The following PRR23C variants were observed in gnomAD, a reference collection of about 807,000 sequenced individuals.
The protein encoded by PRR23C is proline-rich protein 23C.
In PRR23C, 1 loss-of-function variant was observed where a neutral mutation model predicts 0.1. The observed-to-expected ratio is 6.80, with a 90% CI of 2.41 to 32.24. PRR23C has a LOEUF of 32.24. Ranked by LOEUF, PRR23C falls within the 30% of genes most tolerant of loss-of-function variation. The probability of loss-of-function intolerance (pLI) is 0.11; values close to 1 mark genes in which losing one functional copy is unlikely to be tolerated. For synonymous variants in PRR23C, 172 were observed against 168.1 expected (o/e 1.02, Z -0.18); for missense variants, 361 against 370.4 (o/e 0.97, Z 0.21).
At position 139,042,957 on chromosome 3, in the gene PRR23C, G is replaced by A. The variant is rs375050584; in HGVS notation, c.*875C>T. On this transcript the variant is annotated 3_prime_UTR_variant, in exon 1 of 1. Coordinates refer to ENST00000413199, the MANE Select transcript of PRR23C (RefSeq NM_001134657.1). ...CCAGCTACCTGGGAGGCTGAGGCGG[G>A]AGAATTGCTTGAACCTGGGAGGCAA... 5 of 152,294 alleles carry A rather than the reference G, an allele frequency of 3.3e-5. No homozygotes were observed. Among genetic ancestry groups the A allele is most frequent in the African/African-American group, 1.2e-4 (5 of 41,458 alleles). 9.4% of individuals were successfully genotyped at this position (152,294 alleles called of 1,614,324 possible).
rs1043092405 is a variant in PRR23C at position 139,044,355 on chromosome 3, C to A, written c.266G>T (p.Arg89Leu). ...VLELAPMSVL[R>L]VSLGGHTLIV... ...GAGGGTGTGTCCACCAAGAGACACT[C>A]GCAGGACCGACATTGGCGCGAGCTC... The change falls in exon 1 of 1, where the codon CGA becomes CTA. Residue 89 changes from arginine (R) to leucine (L), a missense_variant. Transcript: ENST00000413199. The surrounding 1 kb of genome is among the most constrained non-coding windows in gnomAD (Gnocchi z 7.5). 5 of 1,604,156 alleles carry A rather than the reference C, an allele frequency of 3.1e-6. No homozygotes were observed. The African/African-American group carries it at 5.4e-5, about 17-fold the overall frequency.
At position 139,044,035 on chromosome 3, in the gene PRR23C, C is replaced by T. The variant is rs747280892; in HGVS notation, c.586G>A (p.Gly196Arg). 1 of 1,613,558 alleles carries T rather than the reference C, an allele frequency of 6.2e-7. No homozygotes were observed. The change falls in exon 1 of 1, where the codon GGG becomes AGG. Residue 196 changes from glycine to arginine, a missense_variant. Gly to Arg is a moderately radical substitution (Grantham distance 125, BLOSUM62 -2). Transcript: ENST00000413199. The surrounding 1 kb of genome is among the most constrained non-coding windows in gnomAD (Gnocchi z 7.5). ...FSPYREGPIRGPCALAPNPSS... is the reference protein window; with the variant it reads ...FSPYREGPIRRPCALAPNPSS... The stretch of plus-strand genomic sequence containing the variant: ...GGGTTGGGGGCCAGAGCACAGGGCC[C>T]TCGGATGGGGCCCTCCCGGTAGGGG...
At position 139,044,364 on chromosome 3, in the gene PRR23C, G is replaced by A. The variant is rs904602214; in HGVS notation, c.257C>T (p.Ser86Leu). The A allele has an allele frequency of 1.3e-6, 2 of 1,597,906 alleles. No individual in the cohort carries two copies. The highest frequency in any genetic ancestry group is 2.3e-5 in the East Asian group (1 of 43,938). ...VDLVLELAPM[S>L]VLRVSLGGHT... ...TCCACCAAGAGACACTCGCAGGACC[G>A]ACATTGGCGCGAGCTCCAGCACCAG... Residue 86 changes from serine (S) to leucine (L), a missense_variant, in exon 1 of 1, where the codon TCG (serine) becomes TTG (leucine). By Grantham distance (145) the Ser-to-Leu change is moderately radical. Transcript: ENST00000413199. The surrounding 1 kb of genome is among the most constrained non-coding windows in gnomAD (Gnocchi z 7.5).
chr3:139,044,198 G>C lies in PRR23C; in HGVS notation c.423C>G (p.Val141=). Reference sequence around the variant, plus strand: ...CAGCGATCTCTGGGACAGATGCGCAGACTTCCTGCTCGACGACGACGTCTT... The same window carrying C: ...CAGCGATCTCTGGGACAGATGCGCACACTTCCTGCTCGACGACGACGTCTT... ...HGEDVVVEQE[V]CASVPEIAAE... is the part of the protein sequence containing the mutation. The change falls in exon 1 of 1, where the codon GTC becomes GTG. Residue 141 remains valine, a synonymous_variant. Coordinates refer to ENST00000413199, the MANE Select transcript of PRR23C (RefSeq NM_001134657.1). The surrounding 1 kb of genome is among the most constrained non-coding windows in gnomAD (Gnocchi z 7.5). 6.2e-7 allele frequency: 1 copy of C among 1,613,378 alleles called. No individual in the cohort carries two copies.
Position 139,044,882 on chromosome 3 carries a change from C to T in PRR23C, c.-262G>A, listed in dbSNP as rs774977393. 4.3e-6 allele frequency: 2 copies of T among 467,992 alleles called. No individual in the cohort carries two copies. The highest frequency in any genetic ancestry group is 5.6e-4 in the Middle Eastern group (1 of 1,774). 29.0% of individuals were successfully genotyped at this position (467,992 alleles called of 1,614,324 possible). A position where few individuals can be genotyped will look rare whatever the true frequency, so the allele number is the denominator to read the frequency against. On this transcript the variant is annotated 5_prime_UTR_variant, in exon 1 of 1. Coordinates refer to ENST00000413199, the MANE Select transcript of PRR23C (RefSeq NM_001134657.1). The surrounding 1 kb of genome is among the most constrained non-coding windows in gnomAD (Gnocchi z 7.5). Reference sequence around the variant, plus strand: ...GCAGACCCGGATGCGCACTGCAAAGCCAATTATGTTGTAAATGACGGCAGC... The same window carrying T: ...GCAGACCCGGATGCGCACTGCAAAGTCAATTATGTTGTAAATGACGGCAGC...
Position 139,044,666 on chromosome 3 carries a change from C to A in PRR23C, c.-46G>T. On this transcript the variant is annotated 5_prime_UTR_variant, in exon 1 of 1. Coordinates refer to ENST00000413199, the MANE Select transcript of PRR23C (RefSeq NM_001134657.1). This position sits in a 1 kb window ranked among gnomAD's most constrained non-coding sequence, Gnocchi z 7.5. ...CGGCGCTCCTGGGCCTGGCAGGGGACGTGGGTGCGGGGGGCTCGGGGCGGC... is the reference window on the plus strand; with the variant it reads ...CGGCGCTCCTGGGCCTGGCAGGGGAAGTGGGTGCGGGGGGCTCGGGGCGGC... 6.9e-7 allele frequency: 1 copy of A among 1,446,358 alleles called. No individual in the cohort carries two copies. The highest frequency in any genetic ancestry group is 1.5e-5 in the South Asian group (1 of 68,328). 89.6% of individuals were successfully genotyped at this position (1,446,358 alleles called of 1,614,324 possible). A position where few individuals can be genotyped will look rare whatever the true frequency, so the allele number is the denominator to read the frequency against.
At position 139,044,303 on chromosome 3, in the gene PRR23C, G is replaced by T. The variant is rs1370012293; in HGVS notation, c.318C>A (p.Ser106Arg). Residue 106 changes from serine to arginine, a missense_variant, in exon 1 of 1, where the codon AGC (serine) becomes AGA (arginine). Transcript: ENST00000413199. This position sits in a 1 kb window ranked among gnomAD's most constrained non-coding sequence, Gnocchi z 7.5. ...GCGCTCCTGAGCATTCGTCGACGGA[G>T]CTCAGGAGGACCTCGGGGATCACGA... ...TLIVIPEVLLSSVDECSGAQG... is the reference protein window; with the variant it reads ...TLIVIPEVLLRSVDECSGAQG... 6.2e-7 allele frequency: 1 copy of T among 1,610,556 alleles called. No homozygotes were observed. Among genetic ancestry groups the T allele is most frequent in the East Asian group, 2.2e-5 (1 of 44,698 alleles).
chr3:139,043,766 C>T lies in PRR23C; in HGVS notation c.*66G>A. The T allele has an allele frequency of 7.1e-7, 1 of 1,402,166 alleles. No homozygotes were observed. Among genetic ancestry groups the T allele is most frequent in the Non-Finnish European group, 9.5e-7 (1 of 1,051,326 alleles). The allele number at this position is 1,402,166 out of a possible 1,614,324, so 86.9% of individuals were successfully genotyped here. On this transcript the variant is annotated 3_prime_UTR_variant, in exon 1 of 1. Transcript: ENST00000413199. ...ATCCTTGTAGGTTGCGCAACATACA[C>T]ACAACGGCTATCAGGAGACGGTCTC...
chr3:139,043,712 A>C lies in PRR23C; in HGVS notation c.*120T>G, dbSNP rs1187015275. ...TTCTGCAACGCAGCCTGTATCAAAA[A>C]AGCATCTATCCGTTATCCACTCTCC... is the stretch of plus-strand genomic sequence containing the variant. On this transcript the variant is annotated 3_prime_UTR_variant, in exon 1 of 1. Coordinates refer to ENST00000413199, the MANE Select transcript of PRR23C (RefSeq NM_001134657.1). The C allele has an allele frequency of 1.1e-6, 1 of 932,302 alleles. No individual in the cohort carries two copies. Among genetic ancestry groups the C allele is most frequent in the African/African-American group, 1.7e-5 (1 of 60,068 alleles). The allele number at this position is 932,302 out of a possible 1,614,324, so 57.8% of individuals were successfully genotyped here.
chr3:139,044,195 G>A lies in PRR23C; in HGVS notation c.426C>T (p.Cys142=). ...CGGCAGCGATCTCTGGGACAGATGC[G>A]CAGACTTCCTGCTCGACGACGACGT... is the stretch of plus-strand genomic sequence containing the variant. The part of the protein sequence containing the change: ...GEDVVVEQEV[C]ASVPEIAAEE... Residue 142 remains cysteine, a synonymous_variant, in exon 1 of 1, where the codon TGC becomes TGT. Coordinates refer to ENST00000413199, the MANE Select transcript of PRR23C (RefSeq NM_001134657.1). This position sits in a 1 kb window ranked among gnomAD's most constrained non-coding sequence, Gnocchi z 7.5. 1 of 1,613,264 alleles carries A rather than the reference G, an allele frequency of 6.2e-7. No individual in the cohort carries two copies. Among genetic ancestry groups the A allele is most frequent in the Non-Finnish European group, 8.5e-7 (1 of 1,179,612 alleles).
chr3:139,044,744 G>GTCC lies in PRR23C; in HGVS notation c.-127_-125dup. ...GGCAGGACCGCGCGACGCGGGGCGA[G>GTCC]TCCTCGGAGCTCTGGGGGCGCCTCC... On this transcript the variant is annotated 5_prime_UTR_variant, in exon 1 of 1. Coordinates refer to ENST00000413199, the MANE Select transcript of PRR23C (RefSeq NM_001134657.1). This position sits in a 1 kb window ranked among gnomAD's most constrained non-coding sequence, Gnocchi z 7.5. The GTCC allele has an allele frequency of 8.8e-7, 1 of 1,137,834 alleles. No individual in the cohort carries two copies. The highest frequency in any genetic ancestry group is 1.2e-6 in the Non-Finnish European group (1 of 842,980). 70.5% of individuals were successfully genotyped at this position (1,137,834 alleles called of 1,614,324 possible).
rs980281616 is a variant in PRR23C, at chr3:139,043,841, G to C, written c.780C>G (p.Phe260Leu). 4.6e-6 allele frequency: 7 copies of C among 1,537,436 alleles called. No individual in the cohort carries two copies. The African/African-American group carries it at 6.9e-5, about 15-fold the overall frequency. Residue 260 changes from phenylalanine (F) to leucine (L), a missense_variant, in exon 1 of 1, where the codon TTC becomes TTG. Phe to Leu is a conservative substitution (Grantham distance 22, BLOSUM62 0). Coordinates refer to ENST00000413199, the MANE Select transcript of PRR23C (RefSeq NM_001134657.1). ...GATTGTGGGAGGCAACTCATTCCTG[G>C]AACAGGCGTCTTCGGACCTTGCACG... ...RPPCKVRRRL[F>L]QE
chr3:139,043,777 T>G lies in PRR23C; in HGVS notation c.*55A>C. ...TTGCGCAACATACACACAACGGCTA[T>G]CAGGAGACGGTCTCCTGGAGCCCAG... On this transcript the variant is annotated 3_prime_UTR_variant, in exon 1 of 1. Transcript: ENST00000413199. 1 of 1,430,128 alleles carries G rather than the reference T, an allele frequency of 7.0e-7. No homozygotes were observed. Among genetic ancestry groups the G allele is most frequent in the Non-Finnish European group, 9.3e-7 (1 of 1,074,302 alleles). 88.6% of individuals were successfully genotyped at this position (1,430,128 alleles called of 1,614,324 possible). A position where few individuals can be genotyped will look rare whatever the true frequency, so the allele number is the denominator to read the frequency against.
rs752452673 is a variant in PRR23C, at chr3:139,043,894, C to G, written c.727G>C (p.Ala243Pro). ...LPPSPSPGPH[A>P]RPELPERPPC... Reference sequence around the variant, plus strand: ...GGGCGCTCTGGGAGCTCCGGGCGCGCGTGGGGACCTGGACTCGGAGAGGGA... The same window carrying G: ...GGGCGCTCTGGGAGCTCCGGGCGCGGGTGGGGACCTGGACTCGGAGAGGGA... The change falls in exon 1 of 1, where the codon GCG becomes CCG. Residue 243 changes from alanine (A) to proline (P), a missense_variant. Ala to Pro is a conservative substitution (Grantham distance 27). Transcript: ENST00000413199. 1.3e-6 allele frequency: 2 copies of G among 1,581,880 alleles called. No individual in the cohort carries two copies. Among genetic ancestry groups the G allele is most frequent in the Non-Finnish European group, 1.7e-6 (2 of 1,164,590 alleles).
Position 139,044,070 on chromosome 3 carries a change from C to T in PRR23C, c.551G>A (p.Ser184Asn). The stretch of plus-strand genomic sequence containing the variant: ...GCCCTCCCGGTAGGGGCTGAACATA[C>T]TTCTAGCGGAGGGGTAGAGCCCAGC... ...SAAGLYPSARSMFSPYREGPI... is the reference protein window; with the variant it reads ...SAAGLYPSARNMFSPYREGPI... The change falls in exon 1 of 1, where the codon AGT (serine) becomes AAT (asparagine). Residue 184 changes from serine to asparagine, a missense_variant. Ser to Asn is a conservative substitution (Grantham distance 46). Transcript: ENST00000413199. This position sits in a 1 kb window ranked among gnomAD's most constrained non-coding sequence, Gnocchi z 7.5. 1 of 1,613,610 alleles carries T rather than the reference C, an allele frequency of 6.2e-7. No homozygotes were observed. The highest frequency in any genetic ancestry group is 8.5e-7 in the Non-Finnish European group (1 of 1,179,730).
rs1426813489 is a variant in PRR23C at position 139,044,327 on chromosome 3, G to A, written c.294C>T (p.Ile98=). The part of the protein sequence containing the change: ...LRVSLGGHTL[I]VIPEVLLSSV... ...AGCTCAGGAGGACCTCGGGGATCAC[G>A]ATGAGGGTGTGTCCACCAAGAGACA... The change falls in exon 1 of 1, where the codon ATC becomes ATT. Residue 98 remains isoleucine, a synonymous_variant. Coordinates refer to ENST00000413199, the MANE Select transcript of PRR23C (RefSeq NM_001134657.1). This position sits in a 1 kb window ranked among gnomAD's most constrained non-coding sequence, Gnocchi z 7.5. 2 of 1,609,660 alleles carry A rather than the reference G, an allele frequency of 1.2e-6. No individual in the cohort carries two copies. The highest frequency in any genetic ancestry group is 1.1e-5 in the South Asian group (1 of 90,042).
chr3:139,044,644 C>T lies in PRR23C; in HGVS notation c.-24G>A. On this transcript the variant is annotated 5_prime_UTR_variant, in exon 1 of 1. Transcript: ENST00000413199. This position sits in a 1 kb window ranked among gnomAD's most constrained non-coding sequence, Gnocchi z 7.5. ...ATCACCTCGACGGCGCTGCGGACGGCGCTCCTGGGCCTGGCAGGGGACGTG... is the reference window on the plus strand; with the variant it reads ...ATCACCTCGACGGCGCTGCGGACGGTGCTCCTGGGCCTGGCAGGGGACGTG... 6.8e-7 allele frequency: 1 copy of T among 1,466,284 alleles called. No individual in the cohort carries two copies. The highest frequency in any genetic ancestry group is 8.9e-7 in the Non-Finnish European group (1 of 1,119,254). The allele number at this position is 1,466,284 out of a possible 1,614,324, so 90.8% of individuals were successfully genotyped here.
rs556277144 is a variant in PRR23C, at chr3:139,043,515, T to G, written c.*317A>C. On this transcript the variant is annotated 3_prime_UTR_variant, in exon 1 of 1. Transcript: ENST00000413199. ...TAGAGAAATGTGCTGGAACTGAGGT[T>G]CAAAGCAAAACCAGGGGGAATGGAG... 4.5e-6 allele frequency: 1 copy of G among 221,302 alleles called. No homozygotes were observed. The highest frequency in any genetic ancestry group is 1.3e-4 in the South Asian group (1 of 7,580). 13.7% of individuals were successfully genotyped at this position (221,302 alleles called of 1,614,324 possible).
rs1937165343 is a variant in PRR23C at position 139,043,760 on chromosome 3, C to T, written c.*72G>A. On this transcript the variant is annotated 3_prime_UTR_variant, in exon 1 of 1. Coordinates refer to ENST00000413199, the MANE Select transcript of PRR23C (RefSeq NM_001134657.1). The stretch of plus-strand genomic sequence containing the variant: ...TCCGAGATCCTTGTAGGTTGCGCAA[C>T]ATACACACAACGGCTATCAGGAGAC... 7.4e-7 allele frequency: 1 copy of T among 1,357,242 alleles called. No homozygotes were observed. The highest frequency in any genetic ancestry group is 1.5e-5 in the South Asian group (1 of 66,064). 84.1% of individuals were successfully genotyped at this position (1,357,242 alleles called of 1,614,324 possible).
Sources: allele counts gnomAD v4.1 joint callset, GRCh38; gene constraint gnomAD v4.1.1; non-coding constraint Gnocchi (gnomAD v3.1); transcripts MANE v1.5; gene names NCBI Gene and HGNC (gene_info 2026-07-23, HGNC 2026-07-21).